Variants in EEF1A2 observed in about 807,000 individuals in gnomAD.
EEF1A2 encodes elongation factor 1-alpha 2.
In EEF1A2, 5 loss-of-function variants were observed where a neutral mutation model predicts 39.3. The ratio of observed to expected loss-of-function variants is 0.13; its 90% CI spans 0.07 to 0.27. The LOEUF (loss-of-function observed/expected upper bound fraction) is 0.27. Ranked by LOEUF, EEF1A2 falls within the 10% of genes least tolerant of loss-of-function variation. The pLI, the probability that EEF1A2 is intolerant of heterozygous loss-of-function variation, is 1.00. For missense variants in EEF1A2, 218 were observed against 681.4 expected, an observed-to-expected ratio of 0.32 and a Z score of 7.57; for synonymous variants, 287 against 293.7, an observed-to-expected ratio of 0.98 and a Z score of 0.23.
Position 63,495,090 on chromosome 20 carries a change from T to C in EEF1A2, c.336A>G (p.Ala112=), listed in dbSNP as rs1057522663. 1 of 1,609,312 alleles carries C rather than the reference T, an allele frequency of 6.2e-7. No homozygotes were observed. Among genetic ancestry groups the C allele is most frequent in the South Asian group, 1.1e-5 (1 of 91,028 alleles). The change falls in exon 4 of 8, where the codon GCA becomes GCG. Residue 112 remains alanine (A), a synonymous_variant. Coordinates refer to ENST00000217182, the MANE Select transcript of EEF1A2 (RefSeq NM_001958.5). ...MITGTSQADC[A]VLIVAAGVGE... is the part of the protein sequence containing the mutation. The stretch of plus-strand genomic sequence containing the variant: ...CCACGCCCGCCGCCACGATCAGCAC[T>C]GCGCAGTCCGCCTGCCCGGCAGGGG...
At chr20:63,494,731 C>T (rs1457961844) in intron 4 of EEF1A2, 74 bp downstream of exon 4, 1 of 1,523,974 alleles carries the variant, frequency 6.6e-7, no homozygotes, top group African/African-American at 1.4e-5. Context: ...CCCCGTGCCA[C>T]CTGCCGGTGC....
In EEF1A2 at chr20:63,488,441, C is replaced by G; in HGVS notation, c.1265-16G>C. The G allele has an allele frequency of 7.1e-7, 1 of 1,415,946 alleles. No individual in the cohort carries two copies. Among genetic ancestry groups the G allele is most frequent in the Non-Finnish European group, 9.2e-7 (1 of 1,085,288 alleles). The allele number at this position is 1,415,946 out of a possible 1,614,324, so 87.7% of individuals were successfully genotyped here. ...GCGAAGCGGCCTGGGGGGCGGGGGGCGGCGTGTGGGCGGGGCCGGAGGACT... is the reference window on the plus strand; with the variant it reads ...GCGAAGCGGCCTGGGGGGCGGGGGGGGGCGTGTGGGCGGGGCCGGAGGACT... On this transcript the variant is annotated splice_polypyrimidine_tract_variant and intron_variant, in intron 7 of 7. Coordinates refer to ENST00000217182, the MANE Select transcript of EEF1A2 (RefSeq NM_001958.5).
intron 5 of EEF1A2, among the ~76,000 whole-genome samples, 195 bp downstream of exon 5, chr20:63,492,938 GTGGA>G (rs746625131): frequency 7.4e-4 from 93 of 125,352 alleles, no homozygotes; most frequent in Middle Eastern, 6.2e-3. Flanking sequence ...AGATGGATGG[GTGGA>G]TGGATGGACA....
At chr20:63,494,128 A>C (rs561878418) in intron 4 of EEF1A2, among the ~76,000 whole-genome samples, 12 of 152,206 alleles carry the variant, frequency 7.9e-5, no homozygotes, top group Non-Finnish European at 1.5e-4. Context: ...CCACACCTGC[A>C]CCCTCACTGT....
chr20:63,489,195 G>A (rs1283505148), intron 6 of EEF1A2, 43 bp from the exon 7 acceptor site: 1 of 1,591,076 alleles, frequency 6.3e-7, no homozygotes, highest in East Asian at 2.3e-5. Context: ...CATCGGCGGT[G>A]GGCACCGGGA....
intron 5 of EEF1A2, among the ~76,000 whole-genome samples, chr20:63,491,741 A>G (rs1289170680): frequency 8.4e-6 from 1 of 118,728 alleles, no homozygotes; most frequent in African/African-American, 3.2e-5. Context: ...GAGATGGATG[A>G]GTAGGGAGAT....
In EEF1A2 at chr20:63,497,343, G is replaced by A; in HGVS notation, c.144+277C>T. Reference sequence around the variant, plus strand: ...TCCAGCCCCAGCTCAACATGGCAGAGTTCCAGAGCCTTCTGCAGACCCTCC... The same window carrying A: ...TCCAGCCCCAGCTCAACATGGCAGAATTCCAGAGCCTTCTGCAGACCCTCC... On this transcript the variant is annotated intron_variant, in intron 2 of 7. Coordinates refer to ENST00000217182, the MANE Select transcript of EEF1A2 (RefSeq NM_001958.5). The surrounding 1 kb of genome is among the most constrained non-coding windows in gnomAD (Gnocchi z 7.3). 5.2e-6 allele frequency: 2 copies of A among 381,480 alleles called. No individual in the cohort carries two copies. The highest frequency in any genetic ancestry group is 4.3e-5 in the Admixed American group (1 of 23,298). 23.6% of individuals were successfully genotyped at this position (381,480 alleles called of 1,614,324 possible).
rs1600910084 is a variant in EEF1A2 at position 63,498,198 on chromosome 20, G to A, written c.-71-364C>T. 1 of 156,388 alleles carries A rather than the reference G, an allele frequency of 6.4e-6. No individual in the cohort carries two copies. Among genetic ancestry groups the A allele is most frequent in the Non-Finnish European group, 1.4e-5 (1 of 71,038 alleles). The allele number at this position is 156,388 out of a possible 1,614,324, so 9.7% of individuals were successfully genotyped here. ...GATGAGTCACCTGCCCAGCGCTCCA[G>A]GGCCCTGTCCTGCACGCGCACTCCC... On this transcript the variant is annotated intron_variant, in intron 1 of 7. Transcript: ENST00000217182. This position sits in a 1 kb window ranked among gnomAD's most constrained non-coding sequence, Gnocchi z 4.1.
intron 3 of EEF1A2, 38 bp from the exon 4 acceptor site, chr20:63,495,139 G>A: frequency 1.9e-6 from 3 of 1,593,438 alleles, no homozygotes; most frequent in South Asian, 2.2e-5. Flanking sequence ...TGCCCCGCCT[G>A]CCTGGCAGGG....
At chr20:63,491,903 T>TGGGG (rs1568995616) in intron 5 of EEF1A2, among the ~76,000 whole-genome samples, 1 of 119,564 alleles carries the variant, frequency 8.4e-6, no homozygotes, top group Non-Finnish European at 1.8e-5. Flanking sequence ...GATGGATGGA[T>TGGGG]GGATGGATGG....
Position 63,497,954 on chromosome 20 carries a change from T to C in EEF1A2, c.-71-120A>G, listed in dbSNP as rs2082425863. On this transcript the variant is annotated intron_variant, in intron 1 of 7. Transcript: ENST00000217182. This position sits in a 1 kb window ranked among gnomAD's most constrained non-coding sequence, Gnocchi z 7.3. ...CTGCCCACAAACCAAGCCCCCATGT[T>C]TGGTGGGGAGGGAAGGGCCCCCACC... The C allele has an allele frequency of 1.3e-6, 1 of 755,928 alleles. No homozygotes were observed. The highest frequency in any genetic ancestry group is 2.0e-6 in the Non-Finnish European group (1 of 501,430). The allele number at this position is 755,928 out of a possible 1,614,324, so 46.8% of individuals were successfully genotyped here.
Position 63,489,172 on chromosome 20 carries a change from C to T in EEF1A2, c.1030-20G>A, listed in dbSNP as rs2082367004. On this transcript the variant is annotated intron_variant, in intron 6 of 7. Coordinates refer to ENST00000217182, the MANE Select transcript of EEF1A2 (RefSeq NM_001958.5). ...GATGACCTGCGAGCGGAGCCACAGG[C>T]GGCCATCAGGCACATCGGCGGTGGG... 1.2e-6 allele frequency: 2 copies of T among 1,607,238 alleles called. No homozygotes were observed. The highest frequency in any genetic ancestry group is 1.3e-5 in the African/African-American group (1 of 74,858).
At position 63,491,833 on chromosome 20, in the gene EEF1A2, G is replaced by C. The variant is rs535212619; in HGVS notation, c.773-1098C>G. ...GGATGGACAGAAGGATGGATGGGTAGGAAGGTGGGTGGATGAATGGATGGA... is the reference window on the plus strand; with the variant it reads ...GGATGGACAGAAGGATGGATGGGTACGAAGGTGGGTGGATGAATGGATGGA... On this transcript the variant is annotated intron_variant, in intron 5 of 7. Coordinates refer to ENST00000217182, the MANE Select transcript of EEF1A2 (RefSeq NM_001958.5). Among the ~76,000 whole-genome samples, 6 of 151,284 alleles carry C rather than the reference G, an allele frequency of 4.0e-5. No homozygotes were observed. In the South Asian group the frequency reaches 1.3e-3, roughly 32 times the overall value.
Position 63,489,046 on chromosome 20 carries a change from A to G in EEF1A2, c.1136T>C (p.Ile379Thr), listed in dbSNP as rs1490454929. ...ACKFAELKEK[I>T]DRRSGKKLED... ...CAGCTTCTTGCCAGAGCGCCGGTCAATCTTCTCCTTCAGCTCCGCAAACTT... is the reference window on the plus strand; with the variant it reads ...CAGCTTCTTGCCAGAGCGCCGGTCAGTCTTCTCCTTCAGCTCCGCAAACTT... Residue 379 changes from isoleucine to threonine, a missense_variant, in exon 7 of 8, where the codon ATT becomes ACT. Ile to Thr is a moderately conservative substitution (Grantham distance 89, BLOSUM62 -1). This residue lies in a region of EEF1A2 where 80 missense variants were observed against 295.9 expected (regional missense o/e 0.27). Transcript: ENST00000217182. 4 of 1,612,656 alleles carry G rather than the reference A, an allele frequency of 2.5e-6. No homozygotes were observed. The highest frequency in any genetic ancestry group is 3.4e-6 in the Non-Finnish European group (4 of 1,179,940).
chr20:63,497,392 G>T lies in EEF1A2; in HGVS notation c.144+228C>A. The T allele has an allele frequency of 1.8e-6, 1 of 556,570 alleles. No homozygotes were observed. The highest frequency in any genetic ancestry group is 3.0e-6 in the Non-Finnish European group (1 of 337,564). 34.5% of individuals were successfully genotyped at this position (556,570 alleles called of 1,614,324 possible). A position where few individuals can be genotyped will look rare whatever the true frequency, so the allele number is the denominator to read the frequency against. On this transcript the variant is annotated intron_variant, in intron 2 of 7. Transcript: ENST00000217182. This position sits in a 1 kb window ranked among gnomAD's most constrained non-coding sequence, Gnocchi z 7.3. Reference sequence around the variant, plus strand: ...CCCAGGTCACCTCCCTCACCACAGGGCAAGTCCGGCAGCTCGATGGCCACC... The same window carrying T: ...CCCAGGTCACCTCCCTCACCACAGGTCAAGTCCGGCAGCTCGATGGCCACC...
chr20:63,494,258 G>A (rs1307512830), intron 4 of EEF1A2, among the ~76,000 whole-genome samples: 2 of 152,240 alleles, frequency 1.3e-5, no homozygotes, highest in African/African-American at 2.4e-5. Context: ...TCCAGCCAAG[G>A]CAGAGTCCCT....
Position 63,488,534 on chromosome 20 carries a change from A to C in EEF1A2, c.1265-109T>G, listed in dbSNP as rs2082363566. ...ACCGCGTCGGGAATGTCCTCGGAAC[A>C]CGCTTAGCGCAGAGCGCGCCCCTGT... On this transcript the variant is annotated intron_variant, in intron 7 of 7. Coordinates refer to ENST00000217182, the MANE Select transcript of EEF1A2 (RefSeq NM_001958.5). 11 of 1,279,616 alleles carry C rather than the reference A, an allele frequency of 8.6e-6. No homozygotes were observed. The South Asian group carries it at 2.1e-4, about 24-fold the overall frequency. 79.3% of individuals were successfully genotyped at this position (1,279,616 alleles called of 1,614,324 possible).
At chr20:63,496,331 T>C in intron 2 of EEF1A2, 1 of 452,576 alleles carries the variant, frequency 2.2e-6, no homozygotes, top group South Asian at 2.8e-5. Context: ...AGCCGCCAGA[T>C]GGGATAAACC....
At chr20:63,490,392 G>A in intron 6 of EEF1A2, 87 bp downstream of exon 6, 1 of 1,510,150 alleles carries the variant, frequency 6.6e-7, no homozygotes. Flanking sequence ...CCCCACGCCA[G>A]GCCACCTGCC....
Sources: allele counts gnomAD v4.1 joint callset (sites outside exome capture counted in the v4.1 genomes callset), GRCh38; gene constraint gnomAD v4.1.1; regional missense constraint gnomAD v4.1.1; non-coding constraint Gnocchi (gnomAD v3.1); transcripts MANE v1.5; gene names NCBI Gene and HGNC (gene_info 2026-07-23, HGNC 2026-07-21).